The following KRT85 variants were observed in gnomAD, a reference collection of about 807,000 sequenced individuals.
KRT85 encodes keratin 85.
A neutral mutation model predicts 53.7 loss-of-function variants in KRT85; 39 were observed. That is an observed-to-expected ratio of 0.73 (90% CI 0.56 to 0.95). KRT85 has a LOEUF of 0.95. Ranked by LOEUF, KRT85 falls within the 40% of genes least tolerant of loss-of-function variation. KRT85 has a pLI of 0.00. For missense variants in KRT85, 668 were observed against 686.0 expected (o/e 0.97, Z 0.29); for synonymous variants, 291 against 277.5 (o/e 1.05, Z -0.48).
At chr12:52,363,925 C>T in intron 4 of KRT85, 143 bp downstream of exon 4, 1 of 764,642 alleles carries the variant, frequency 1.3e-6, no homozygotes. Context: ...TATTGTGGGC[C>T]CCAGCACGTA....
At chr12:52,362,658 C>T (rs1256552608) in intron 6 of KRT85, among the ~76,000 whole-genome samples, 187 bp from the exon 7 acceptor site, 4 of 152,092 alleles carry the variant, frequency 2.6e-5, no homozygotes, top group South Asian at 2.1e-4. Context: ...TCCTTGATGG[C>T]GGTCACAGGG....
rs1334118572 is a variant in KRT85, at chr12:52,362,845, A to C, written c.1077+9T>G. The C allele has an allele frequency of 2.5e-6, 4 of 1,614,130 alleles. No individual in the cohort carries two copies. Among genetic ancestry groups the C allele is most frequent in the Non-Finnish European group, 3.4e-6 (4 of 1,180,024 alleles). ...TGTGCTGCGTATTTGAATCCTCCACAGACCCCACCTGGCACTTGGCATTCT... is the reference window on the plus strand; with the variant it reads ...TGTGCTGCGTATTTGAATCCTCCACCGACCCCACCTGGCACTTGGCATTCT... On this transcript the variant is annotated intron_variant, in intron 6 of 8. Coordinates refer to ENST00000257901, the MANE Select transcript of KRT85 (RefSeq NM_002283.4).
intron 3 of KRT85, 46 bp from the exon 4 acceptor site, chr12:52,364,209 CAAAG>C: frequency 1.2e-6 from 2 of 1,612,602 alleles, no homozygotes; most frequent in Non-Finnish European, 1.7e-6. Context: ...GAGAGGAGAC[CAAAG>C]AAAGGTGCCT....
intron 7 of KRT85, 149 bp downstream of exon 7, chr12:52,362,102 C>A (rs1939198750): frequency 2.9e-6 from 3 of 1,037,670 alleles, no homozygotes. Flanking sequence ...AGGTCTAGCA[C>A]AGAAGCATTC....
chr12:52,364,641 G>C (rs1354223650), intron 2 of KRT85: 2 of 1,438,560 alleles, frequency 1.4e-6, no homozygotes, highest in Non-Finnish European at 9.1e-7. Flanking sequence ...GGTCCCAAGA[G>C]AGCTGGTTCC....
chr12:52,362,175 C>A, intron 7 of KRT85, 76 bp downstream of exon 7: 2 of 1,602,080 alleles, frequency 1.2e-6, no homozygotes, highest in South Asian at 2.2e-5. Context: ...GTAGCTCACA[C>A]TCAGCTCAAG....
In KRT85 at chr12:52,363,320, C is replaced by A; in HGVS notation, c.877G>T (p.Ala293Ser). 5.0e-6 allele frequency: 8 copies of A among 1,614,180 alleles called. No individual in the cohort carries two copies. The highest frequency in any genetic ancestry group is 6.8e-6 in the Non-Finnish European group (8 of 1,180,024). Residue 293 changes from alanine to serine, a missense_variant, in exon 5 of 9, where the codon GCT becomes TCT. Coordinates refer to ENST00000257901, the MANE Select transcript of KRT85 (RefSeq NM_002283.4). ...SRDLNMDCII[A>S]EIKAQYDDVA... is the part of the protein sequence containing the mutation. ...TCGTCATACTGAGCCTTGATCTCAG[C>A]GATGATGCAGTCCATGTTCAGGTCT...
chr12:52,363,658 TC>T (rs1325936670), intron 4 of KRT85, among the ~76,000 whole-genome samples: 1 of 152,172 alleles, frequency 6.6e-6, no homozygotes, highest in Non-Finnish European at 1.5e-5. Context: ...GTGAAAAAGA[TC>T]TGGTCCAAAG....
intron 2 of KRT85, 63 bp downstream of exon 2, chr12:52,364,898 TG>T: frequency 6.2e-7 from 1 of 1,611,446 alleles, no homozygotes; most frequent in Admixed American, 1.7e-5. Flanking sequence ...AAGAGGGCTA[TG>T]GGCAGAGCCT....
chr12:52,361,849 A>G (rs1939195460), intron 7 of KRT85, among the ~76,000 whole-genome samples: 1 of 151,382 alleles, frequency 6.6e-6, no homozygotes, highest in African/African-American at 2.4e-5. Context: ...TGCATATAGA[A>G]GTGCATCATC....
intron 7 of KRT85, 58 bp downstream of exon 7, chr12:52,362,193 A>T: frequency 6.2e-7 from 1 of 1,611,998 alleles, no homozygotes; most frequent in Non-Finnish European, 8.5e-7. Context: ...AAGGAAATTC[A>T]CTCCTGGAGG....
In KRT85 at chr12:52,361,047, C is replaced by T; in HGVS notation, c.1331-1G>A. ...ACTCCACCACGGGAGCTGCTGACAC[C>T]TGTGGAGAGAGGAGACATGGAGGGG... On this transcript the variant is annotated splice_acceptor_variant, in intron 8 of 8. Transcript: ENST00000257901. LOFTEE classifies it high-confidence loss of function. 1 of 1,610,400 alleles carries T rather than the reference C, an allele frequency of 6.2e-7. No homozygotes were observed. The highest frequency in any genetic ancestry group is 8.5e-7 in the Non-Finnish European group (1 of 1,178,208).
rs1939180625 is a variant in KRT85, at chr12:52,360,916, G to A, written c.1461C>T (p.Ala487=). The change falls in exon 9 of 9, where the codon GCC becomes GCT. Residue 487 remains alanine (A), a synonymous_variant. Coordinates refer to ENST00000257901, the MANE Select transcript of KRT85 (RefSeq NM_002283.4). ...AGCTGGAGGAACGAGGCTGGCAGGGGGCACAGGAGTCAGGGGCCACCACCG... is the reference window on the plus strand; with the variant it reads ...AGCTGGAGGAACGAGGCTGGCAGGGAGCACAGGAGTCAGGGGCCACCACCG... ...SITVVAPDSC[A]PCQPRSSSFS... The A allele has an allele frequency of 6.2e-7, 1 of 1,612,638 alleles. No individual in the cohort carries two copies. Among genetic ancestry groups the A allele is most frequent in the Non-Finnish European group, 8.5e-7 (1 of 1,180,006 alleles).
At chr12:52,364,013 C>T in intron 4 of KRT85, 55 bp downstream of exon 4, 2 of 1,354,668 alleles carry the variant, frequency 1.5e-6, no homozygotes, top group South Asian at 2.3e-5. Flanking sequence ...CACTGCTCCC[C>T]TGTCTCCAAA....
Position 52,362,761 on chromosome 12 carries a change from C to G in KRT85, c.1077+93G>C, listed in dbSNP as rs564501424. On this transcript the variant is annotated intron_variant, in intron 6 of 8. Coordinates refer to ENST00000257901, the MANE Select transcript of KRT85 (RefSeq NM_002283.4). ...TAGAGCCCCTCCCTTCCCTCTGGGT[C>G]CCTGCTTCCTCATGGGCACACTGTG... is the stretch of plus-strand genomic sequence containing the variant. The G allele has an allele frequency of 3.9e-5, 62 of 1,585,190 alleles. No homozygotes were observed. In the African/African-American group the frequency reaches 8.1e-4, roughly 21 times the overall value.
intron 1 of KRT85, among the ~76,000 whole-genome samples, chr12:52,365,480 G>T (rs1269757976): frequency 6.6e-6 from 1 of 152,220 alleles, no homozygotes; most frequent in Non-Finnish European, 1.5e-5. Flanking sequence ...TAGCACTGTT[G>T]TGAAGCTTGA....
chr12:52,364,839 G>A, intron 2 of KRT85, 123 bp downstream of exon 2: 1 of 1,559,338 alleles, frequency 6.4e-7, no homozygotes, highest in Non-Finnish European at 8.8e-7. Flanking sequence ...CTGGATATCT[G>A]CTCTGGGTTC....
At chr12:52,363,132 T>G in intron 5 of KRT85, 114 bp downstream of exon 5, 1 of 1,557,022 alleles carries the variant, frequency 6.4e-7, no homozygotes, top group East Asian at 2.3e-5. Context: ...CTACTGGCTT[T>G]TCTCATACTG....
chr12:52,361,596 GTC>G (rs1270161467), intron 7 of KRT85, 98 bp from the exon 8 acceptor site: 4 of 1,122,374 alleles, frequency 3.6e-6, no homozygotes, highest in Non-Finnish European at 5.5e-6. Context: ...TGTGTACAGA[GTC>G]TACCCCTGAA....
Sources: gnomAD v4.1 joint callset for allele counts (sites outside exome capture counted in the v4.1 genomes callset) on GRCh38, gnomAD v4.1.1 for gene constraint, MANE v1.5 for transcripts, NCBI Gene and HGNC (gene_info 2026-07-23, HGNC 2026-07-21) for gene names.